The following TFR2 variants were observed in gnomAD, a reference collection of about 807,000 sequenced individuals.
The protein encoded by TFR2 is transferrin receptor 2.
In TFR2, 64 loss-of-function variants were observed where a neutral mutation model predicts 91.9. That is an observed-to-expected ratio of 0.70 (90% CI 0.57 to 0.86). The LOEUF (loss-of-function observed/expected upper bound fraction) is 0.86, where lower values mean the gene tolerates loss of function less well. Ranked by LOEUF, TFR2 falls within the 40% of genes least tolerant of loss-of-function variation. The pLI, the probability that TFR2 is intolerant of heterozygous loss-of-function variation, is 0.00. For synonymous variants in TFR2, 454 were observed against 459.6 expected (o/e 0.99, Z 0.15); for missense variants, 950 against 1,080.5 (o/e 0.88, Z 1.69).
chr7:100,633,476 C>T lies in TFR2; in HGVS notation c.554G>A (p.Arg185His), dbSNP rs1002859413. Residue 185 changes from arginine to histidine, a missense_variant, in exon 4 of 18, where the codon CGC (arginine) becomes CAC (histidine). Coordinates refer to ENST00000223051, the MANE Select transcript of TFR2 (RefSeq NM_003227.4). ...GGTCCACACGTGGTCCAGCTTCTGG[C>T]GGGAGAGCGCCGCGCGAATGTCCTG... ...LTQDIRAALS[R>H]QKLDHVWTDT... 6.2e-6 allele frequency: 10 copies of T among 1,612,282 alleles called. No individual in the cohort carries two copies. In the Middle Eastern group the frequency reaches 8.2e-4, roughly 133 times the overall value.
At chr7:100,622,638 C>G (rs1241671304) in intron 17 of TFR2, among the ~76,000 whole-genome samples, 1 of 152,166 alleles carries the variant, frequency 6.6e-6, no homozygotes, top group Non-Finnish European at 1.5e-5. Flanking sequence ...TGAAATAAAT[C>G]CTCTAGCATG....
intron 3 of TFR2, among the ~76,000 whole-genome samples, chr7:100,638,219 A>T (rs958100361): frequency 2.6e-5 from 4 of 151,828 alleles, no homozygotes; most frequent in Non-Finnish European, 4.4e-5. Context: ...TAGCCAGGAT[A>T]GTCTCGATCT....
At chr7:100,628,172 C>T in intron 11 of TFR2, 36 bp from the exon 12 acceptor site, 2 of 1,613,586 alleles carry the variant, frequency 1.2e-6, no homozygotes, top group South Asian at 1.1e-5. Context: ...TGGGAACCCC[C>T]CACCCCCACC....
At position 100,640,875 on chromosome 7, in the gene TFR2, G is replaced by A. The variant is rs1363078659; in HGVS notation, c.287-3C>T. ...GGCGACGTAGCCCAGTAGGAAGGCTGGCGGGTGGCAAGATGGGGATTCTCT... is the reference window on the plus strand; with the variant it reads ...GGCGACGTAGCCCAGTAGGAAGGCTAGCGGGTGGCAAGATGGGGATTCTCT... On this transcript the variant is annotated splice_region_variant and splice_polypyrimidine_tract_variant and intron_variant, in intron 2 of 17. Coordinates refer to ENST00000223051, the MANE Select transcript of TFR2 (RefSeq NM_003227.4). The A allele has an allele frequency of 6.8e-6, 11 of 1,614,080 alleles. No homozygotes were observed. The highest frequency in any genetic ancestry group is 9.3e-6 in the Non-Finnish European group (11 of 1,180,030).
intron 6 of TFR2, chr7:100,632,685 G>GAC: frequency 2.7e-6 from 1 of 368,176 alleles, no homozygotes; most frequent in Admixed American, 4.3e-5. Flanking sequence ...GAGTAGCTGG[G>GAC]ACCACATGCA....
rs1460878558 is a variant in TFR2, at chr7:100,641,147, C to T, written c.115G>A (p.Glu39Lys). The change falls in exon 2 of 18, where the codon GAA (glutamate) becomes AAA (lysine). Residue 39 changes from glutamate to lysine, a missense_variant. Transcript: ENST00000223051. ...PRKGHLEEEE[E>K]DGEEGAETLA... is the part of the protein sequence containing the mutation. ...GTCTCCGCCCCCTCCTCCCCGTCTTCCTCTTCCTCCTCCAGGTGCCCTTTC... is the reference window on the plus strand; with the variant it reads ...GTCTCCGCCCCCTCCTCCCCGTCTTTCTCTTCCTCCTCCAGGTGCCCTTTC... The T allele has an allele frequency of 3.9e-6, 6 of 1,542,500 alleles. No homozygotes were observed. Among genetic ancestry groups the T allele is most frequent in the Non-Finnish European group, 5.2e-6 (6 of 1,144,080 alleles).
chr7:100,633,325 G>A lies in TFR2; in HGVS notation c.630C>T (p.Thr210=). ...TCCCGGCCTCATCGACCCAGTGCAG[G>A]GTGTTGGGGTGAGCCCTGGGGAGCG... is the stretch of plus-strand genomic sequence containing the variant. ...LQFPDPAHPN[T]LHWVDEAGKV... Residue 210 remains threonine, a synonymous_variant, in exon 5 of 18, where the codon ACC becomes ACT. Coordinates refer to ENST00000223051, the MANE Select transcript of TFR2 (RefSeq NM_003227.4). The A allele has an allele frequency of 6.2e-7, 1 of 1,613,482 alleles. No individual in the cohort carries two copies. Among genetic ancestry groups the A allele is most frequent in the Non-Finnish European group, 8.5e-7 (1 of 1,179,806 alleles).
At chr7:100,635,232 G>A (rs182914256) in intron 3 of TFR2, among the ~76,000 whole-genome samples, 56 of 151,396 alleles carry the variant, frequency 3.7e-4, no homozygotes, top group African/African-American at 1.2e-3. Context: ...GAGCCATGGC[G>A]CCCGGCCCCT....
chr7:100,621,285 G>A (rs1403767093), intron 17 of TFR2, among the ~76,000 whole-genome samples, 159 bp from the exon 18 acceptor site: 3 of 152,120 alleles, frequency 2.0e-5, no homozygotes, highest in Non-Finnish European at 2.9e-5. Flanking sequence ...ACGGAGTCTC[G>A]CTCTGTCTCC....
At chr7:100,635,427 T>A (rs565246479) in intron 3 of TFR2, among the ~76,000 whole-genome samples, 911 of 86,676 alleles carry the variant, frequency 0.011, 15 homozygotes, top group African/African-American at 0.042. Flanking sequence ...TTTTCTTTTT[T>A]AAAAAATTAT....
intron 17 of TFR2, 158 bp downstream of exon 17, chr7:100,626,605 G>A: frequency 3.4e-6 from 5 of 1,451,888 alleles, no homozygotes; most frequent in South Asian, 2.8e-5. Flanking sequence ...ACCGATCTAT[G>A]AGCACTGCGT....
At position 100,621,134 on chromosome 7, in the gene TFR2, G is replaced by A. The variant is rs1172998715; in HGVS notation, c.2137-8C>T. 7 of 1,507,478 alleles carry A rather than the reference G, an allele frequency of 4.6e-6. No individual in the cohort carries two copies. The highest frequency in any genetic ancestry group is 6.3e-6 in the Non-Finnish European group (7 of 1,119,392). The allele number at this position is 1,507,478 out of a possible 1,614,324, so 93.4% of individuals were successfully genotyped here. Reference sequence around the variant, plus strand: ...AAGGAAGTAGAACTCCACCTGCGCAGAGAGGGGGATCAGGTCAGGGTTGGG... The same window carrying A: ...AAGGAAGTAGAACTCCACCTGCGCAAAGAGGGGGATCAGGTCAGGGTTGGG... On this transcript the variant is annotated splice_region_variant and splice_polypyrimidine_tract_variant and intron_variant, in intron 17 of 17. Coordinates refer to ENST00000223051, the MANE Select transcript of TFR2 (RefSeq NM_003227.4).
Position 100,620,825 on chromosome 7 carries a change from T to G in TFR2, c.*32A>C. 4 of 1,613,332 alleles carry G rather than the reference T, an allele frequency of 2.5e-6. No homozygotes were observed. The highest frequency in any genetic ancestry group is 3.4e-6 in the Non-Finnish European group (4 of 1,179,474). Reference sequence around the variant, plus strand: ...AGCGAGGAGCAGAGGAGCTCTTGACTGGGGGACGGGGATGTGAGGATCCCC... The same window carrying G: ...AGCGAGGAGCAGAGGAGCTCTTGACGGGGGGACGGGGATGTGAGGATCCCC... On this transcript the variant is annotated 3_prime_UTR_variant, in exon 18 of 18. Transcript: ENST00000223051.
chr7:100,621,288 CTG>C (rs1394988065), intron 17 of TFR2, among the ~76,000 whole-genome samples, 162 bp from the exon 18 acceptor site: 1 of 152,236 alleles, frequency 6.6e-6, no homozygotes, highest in East Asian at 1.9e-4. Flanking sequence ...GAGTCTCGCT[CTG>C]TCTCCCAGGC....
intron 8 of TFR2, chr7:100,631,564 C>A: frequency 4.7e-6 from 2 of 422,376 alleles, no homozygotes; most frequent in South Asian, 2.7e-5. Flanking sequence ...GTGGAGGTTG[C>A]AGTGAGCCAA....
chr7:100,640,433 C>T (rs1584464263), intron 3 of TFR2: 1 of 560,442 alleles, frequency 1.8e-6, no homozygotes, highest in South Asian at 2.1e-5. Context: ...ATGCTGCACC[C>T]CTCTGATCTC....
chr7:100,635,217 G>A (rs895451239), intron 3 of TFR2, among the ~76,000 whole-genome samples: 2 of 151,774 alleles, frequency 1.3e-5, no homozygotes, highest in Non-Finnish European at 2.9e-5. Context: ...TGGGATTACA[G>A]GTATGAGCCA....
intron 3 of TFR2, 80 bp from the exon 4 acceptor site, chr7:100,633,636 TC>T (rs1803515107): frequency 5.1e-6 from 7 of 1,371,710 alleles, no homozygotes; most frequent in Non-Finnish European, 5.7e-6. Context: ...AGACGTGGGG[TC>T]GCCAGGGGCA....
rs775508532 is a variant in TFR2 at position 100,629,406 on chromosome 7, A to G, written c.1271-34T>C. 1.9e-6 allele frequency: 3 copies of G among 1,612,518 alleles called. No individual in the cohort carries two copies. In the South Asian group the frequency reaches 3.3e-5, roughly 18 times the overall value. ...GGGATGTTTGGGACCCACTTCTGAC[A>G]CTGCACCCTGCACCCTGGGGGCATC... On this transcript the variant is annotated intron_variant, in intron 9 of 17. Transcript: ENST00000223051.
Sources: gnomAD v4.1 joint callset for allele counts (sites outside exome capture counted in the v4.1 genomes callset) on GRCh38, gnomAD v4.1.1 for gene constraint, MANE v1.5 for transcripts, NCBI Gene and HGNC (gene_info 2026-07-23, HGNC 2026-07-21) for gene names.